DLGAP2: variants seen among roughly 807,000 people sequenced by gnomAD.
DLGAP2 encodes disks large-associated protein 2.
A neutral mutation model predicts 100.3 loss-of-function variants in DLGAP2; 26 were observed. The ratio of observed to expected loss-of-function variants is 0.26; its 90% CI spans 0.19 to 0.36. DLGAP2 has a LOEUF of 0.36. Ranked by LOEUF, DLGAP2 falls within the 10% of genes least tolerant of loss-of-function variation. The pLI is 1.00. For missense variants in DLGAP2, 1,858 were observed against 1,453.2 expected (o/e 1.28, Z -4.53); for synonymous variants, 886 against 630.1 (o/e 1.41, Z -6.08).
chr8:1,423,514 A>C (rs1418678762), intron 3 of DLGAP2, among the ~76,000 whole-genome samples: 2 of 152,248 alleles, frequency 1.3e-5, no homozygotes, highest in Non-Finnish European at 2.9e-5. Context: ...TCAAGGCATC[A>C]GCGCTTTCAG....
At chr8:1,463,542 C>G (rs1264124515) in intron 3 of DLGAP2, among the ~76,000 whole-genome samples, 1 of 152,240 alleles carries the variant, frequency 6.6e-6, no homozygotes, top group Non-Finnish European at 1.5e-5. Context: ...ACGCTCCTGC[C>G]CCGGGTGGCC....
At chr8:1,440,680 G>A (rs1035710191) in intron 3 of DLGAP2, among the ~76,000 whole-genome samples, 1 of 152,226 alleles carries the variant, frequency 6.6e-6, no homozygotes, top group Non-Finnish European at 1.5e-5. Context: ...TGTCGGGTGA[G>A]CCGCCCTCTG....
In DLGAP2 at chr8:838,555, A is replaced by G. The variant is rs549869915; in HGVS notation, c.19-69357A>G. 2.0e-5 allele frequency among the ~76,000 whole-genome samples: 3 copies of G among 152,254 alleles called. No individual in the cohort carries two copies. In the South Asian group the frequency reaches 6.2e-4, roughly 32 times the overall value. On this transcript the variant is annotated intron_variant, in intron 1 of 14. Coordinates refer to ENST00000637795, the MANE Select transcript of DLGAP2 (RefSeq NM_001346810.2). ...TACATTGTTTGATAAGCTTTAAAAT[A>G]AAAAATATTAATTATAGATCCAGTG...
chr8:1,190,963 G>A (rs912252691), intron 2 of DLGAP2, among the ~76,000 whole-genome samples: 6 of 152,128 alleles, frequency 3.9e-5, no homozygotes, highest in Non-Finnish European at 7.4e-5. Context: ...GCAGCGCAGC[G>A]AGGGGGGTGG....
At chr8:777,881 A>T (rs935842055) in intron 1 of DLGAP2, among the ~76,000 whole-genome samples, 3 of 152,068 alleles carry the variant, frequency 2.0e-5, no homozygotes, top group African/African-American at 7.2e-5. Flanking sequence ...TGTTTCCTGA[A>T]TCTGAACGTC....
In DLGAP2 at chr8:976,647, A is replaced by G. The variant is rs1800171705; in HGVS notation, c.73+68681A>G. On this transcript the variant is annotated intron_variant, in intron 2 of 14. Coordinates refer to ENST00000637795, the MANE Select transcript of DLGAP2 (RefSeq NM_001346810.2). ...AAAACAGAAAATAGACTCAGTGCAA[A>G]TAGGGCCAACCAATCTTTGACAAAG... is the stretch of plus-strand genomic sequence containing the variant. Among the ~76,000 whole-genome samples, 5 of 152,164 alleles carry G rather than the reference A, an allele frequency of 3.3e-5. No homozygotes were observed. In the South Asian group the frequency reaches 1.0e-3, roughly 32 times the overall value.
chr8:1,255,137 TGAGTGTGTGTCCTCTCCTGCCC>T (rs1799163014), intron 2 of DLGAP2, among the ~76,000 whole-genome samples: 14 of 138,762 alleles, frequency 1.0e-4, no homozygotes, highest in African/African-American at 3.1e-4. Context: ...GCCCGGGCGC[TGAGTGTGTGTCCTCTCCTGCCC>T]GGGTGCTGTG....
intron 6 of DLGAP2, among the ~76,000 whole-genome samples, chr8:1,593,890 C>G (rs1008266473): frequency 6.6e-6 from 1 of 152,196 alleles, no homozygotes; most frequent in African/African-American, 2.4e-5. Flanking sequence ...ATCCATGCAT[C>G]CCACACCTCA....
At chr8:1,243,560 C>T (rs1375890821) in intron 2 of DLGAP2, among the ~76,000 whole-genome samples, 2 of 152,146 alleles carry the variant, frequency 1.3e-5, no homozygotes, top group East Asian at 1.9e-4. Flanking sequence ...TTCTCGCTCA[C>T]GATATATTAC....
At chr8:1,386,999 A>C (rs1264129941) in intron 3 of DLGAP2, among the ~76,000 whole-genome samples, 1 of 152,212 alleles carries the variant, frequency 6.6e-6, no homozygotes, top group African/African-American at 2.4e-5. Flanking sequence ...TTTACCTAAA[A>C]ATAAATTTAA....
intron 3 of DLGAP2, among the ~76,000 whole-genome samples, chr8:1,449,260 T>A (rs1798071220): frequency 6.6e-6 from 1 of 152,194 alleles, no homozygotes; most frequent in Non-Finnish European, 1.5e-5. Context: ...GTCCTCACCC[T>A]GGTGATTCCG....
chr8:1,605,053 C>T (rs1796751667), intron 6 of DLGAP2, among the ~76,000 whole-genome samples: 2 of 152,190 alleles, frequency 1.3e-5, no homozygotes, highest in Admixed American at 1.3e-4. Context: ...GGGCACACCA[C>T]CCTGCAGCCA....
chr8:1,585,570 C>A (rs1197018537), intron 6 of DLGAP2, among the ~76,000 whole-genome samples: 1 of 152,210 alleles, frequency 6.6e-6, no homozygotes, highest in East Asian at 1.9e-4. Flanking sequence ...ATCCACAGAC[C>A]ACGTAAGCTT....
At chr8:957,946 A>G (rs77966677) in intron 2 of DLGAP2, among the ~76,000 whole-genome samples, 2,638 of 152,242 alleles carry the variant, frequency 0.017, 82 homozygotes, top group African/African-American at 0.06. Flanking sequence ...GTGACATACA[A>G]TACGTTCCTG....
At chr8:896,607 C>T (rs1004180283) in intron 1 of DLGAP2, among the ~76,000 whole-genome samples, 12 of 151,856 alleles carry the variant, frequency 7.9e-5, no homozygotes, top group African/African-American at 2.7e-4. Flanking sequence ...GGTGTAGTCA[C>T]GAGGGTGGGG....
rs192934077 is a variant in DLGAP2, at chr8:829,055, T to A, written c.19-78857T>A. Among the ~76,000 whole-genome samples, 1,408 of 152,364 alleles carry A rather than the reference T, an allele frequency of 9.2e-3. 12 individuals are homozygous for A. Among genetic ancestry groups the A allele is most frequent in the Non-Finnish European group, 0.012 (840 of 68,038 alleles). On this transcript the variant is annotated intron_variant, in intron 1 of 14. Transcript: ENST00000637795. The stretch of plus-strand genomic sequence containing the variant: ...TTAGCTTTGACAAACCTGATTTTTT[T>A]AAATTAAACCCATGAGTCCAATTTG...
chr8:1,340,682 A>C (rs555738422), intron 3 of DLGAP2, among the ~76,000 whole-genome samples: 6 of 152,348 alleles, frequency 3.9e-5, no homozygotes, highest in African/African-American at 1.4e-4. Context: ...GGTTCCTTGG[A>C]GACCTAAAGA....
At chr8:1,683,578 C>A in intron 12 of DLGAP2, among the ~76,000 whole-genome samples, 1 of 150,868 alleles carries the variant, frequency 6.6e-6, no homozygotes, top group African/African-American at 2.4e-5. Flanking sequence ...TTATCATCCA[C>A]AGACAGTGCC....
chr8:1,473,414 A>C, intron 3 of DLGAP2, among the ~76,000 whole-genome samples: 1 of 152,200 alleles, frequency 6.6e-6, no homozygotes, highest in Non-Finnish European at 1.5e-5. Context: ...GCGGGGCTGG[A>C]GGCGAAGGTG....
Sources: gnomAD v4.1 joint callset for allele counts (sites outside exome capture counted in the v4.1 genomes callset) on GRCh38, gnomAD v4.1.1 for gene constraint, MANE v1.5 for transcripts, NCBI Gene and HGNC (gene_info 2026-07-23, HGNC 2026-07-21) for gene names.